The following DCK variants were observed in gnomAD, a reference collection of about 807,000 sequenced individuals.
DCK encodes the protein deoxycytidine kinase.
In DCK, 23 loss-of-function variants were observed where a neutral mutation model predicts 38.3. The ratio of observed to expected loss-of-function variants is 0.60; its 90% CI spans 0.43 to 0.85. The LOEUF (loss-of-function observed/expected upper bound fraction) is 0.85, where lower values mean the gene tolerates loss of function less well. Ranked by LOEUF, DCK falls within the 40% of genes least tolerant of loss-of-function variation. The pLI is 0.00. For missense variants in DCK, 259 were observed against 304.4 expected, an observed-to-expected ratio of 0.85 and a Z score of 1.11; for synonymous variants, 108 against 100.6, an observed-to-expected ratio of 1.07 and a Z score of -0.44.
At chr4:70,996,240 C>T (rs952840249) in intron 1 of DCK, among the ~76,000 whole-genome samples, 3 of 150,240 alleles carry the variant, frequency 2.0e-5, no homozygotes, top group Admixed American at 2.0e-4. Flanking sequence ...TTAGCATGCA[C>T]GTTTAGTCCT....
chr4:71,018,375 G>A (rs1030945702), intron 2 of DCK, among the ~76,000 whole-genome samples: 12 of 151,924 alleles, frequency 7.9e-5, no homozygotes, highest in Admixed American at 2.0e-4. Context: ...TGATCCACCC[G>A]CCTTGGCCTC....
intron 5 of DCK, among the ~76,000 whole-genome samples, chr4:71,026,150 A>C (rs1740542851): frequency 6.6e-6 from 1 of 152,044 alleles, no homozygotes; most frequent in Non-Finnish European, 1.5e-5. Flanking sequence ...GGTGGTATTG[A>C]TAGCGTAATA....
intron 2 of DCK, among the ~76,000 whole-genome samples, chr4:71,010,382 G>A (rs188118289): frequency 1.6e-4 from 24 of 151,034 alleles, no homozygotes; most frequent in Admixed American, 4.6e-4. Flanking sequence ...TAATAATAAT[G>A]TACTTTATGT....
chr4:71,007,205 A>G (rs1739966819), intron 2 of DCK, among the ~76,000 whole-genome samples: 1 of 152,214 alleles, frequency 6.6e-6, no homozygotes, highest in Non-Finnish European at 1.5e-5. Flanking sequence ...TTGATGTTTT[A>G]TATCTGATTT....
chr4:71,022,243 A>G (rs1412428139), intron 2 of DCK, 124 bp from the exon 3 acceptor site: 3 of 528,640 alleles, frequency 5.7e-6, no homozygotes, highest in African/African-American at 3.9e-5. Context: ...GAACTTAATC[A>G]TCTTGGTTTT....
intron 2 of DCK, among the ~76,000 whole-genome samples, chr4:71,000,522 A>G (rs923349503): frequency 3.3e-5 from 5 of 152,158 alleles, no homozygotes; most frequent in African/African-American, 1.2e-4. Context: ...TTGGTTCCAT[A>G]TGAAATTTAA....
Position 71,022,396 on chromosome 4 carries a change from G to C in DCK, c.237G>C (p.Gly79=). The change falls in exon 3 of 7, where the codon GGG becomes GGC. Residue 79 remains glycine (G), a synonymous_variant. Transcript: ENST00000286648. ...TTACAATGTCTCAGAAAAATGGTGG[G>C]AATGTTCTTCAGATGATGTATGAGA... ...EELTMSQKNG[G]NVLQMMYEKP... The C allele has an allele frequency of 6.5e-7, 1 of 1,535,846 alleles. No homozygotes were observed. Among genetic ancestry groups the C allele is most frequent in the South Asian group, 1.3e-5 (1 of 77,710 alleles).
intron 2 of DCK, among the ~76,000 whole-genome samples, 190 bp downstream of exon 2, chr4:70,998,372 G>A (rs899986027): frequency 6.6e-6 from 1 of 151,338 alleles, no homozygotes; most frequent in Non-Finnish European, 1.5e-5. Flanking sequence ...AGATTGATAT[G>A]GATTCAACCA....
chr4:71,007,534 G>A (rs1354797797), intron 2 of DCK, among the ~76,000 whole-genome samples: 1 of 152,118 alleles, frequency 6.6e-6, no homozygotes. Context: ...AATTGTTTGA[G>A]CATACATGAA....
At chr4:71,003,269 A>G (rs1005013802) in intron 2 of DCK, among the ~76,000 whole-genome samples, 3 of 152,204 alleles carry the variant, frequency 2.0e-5, no homozygotes, top group African/African-American at 7.2e-5. Flanking sequence ...TTCTTTAAGA[A>G]TGTTGAATGT....
At chr4:71,011,141 C>T (rs1045485558) in intron 2 of DCK, among the ~76,000 whole-genome samples, 3 of 151,484 alleles carry the variant, frequency 2.0e-5, no homozygotes, top group Non-Finnish European at 4.4e-5. Flanking sequence ...TGGGGTTTCA[C>T]CATGTTGGCC....
chr4:71,028,700 G>GGGGTCCTGTAAA, intron 6 of DCK: 1 of 436,836 alleles, frequency 2.3e-6, no homozygotes, highest in Non-Finnish European at 4.6e-6. Context: ...GGTTCAACCA[G>GGGGTCCTGTAAA]TTCTGCCTCA....
At position 71,029,451 on chromosome 4, in the gene DCK, A is replaced by C; in HGVS notation, c.*73A>C. On this transcript the variant is annotated 3_prime_UTR_variant, in exon 7 of 7. Coordinates refer to ENST00000286648, the MANE Select transcript of DCK (RefSeq NM_000788.3). ...TTGTGTATCTTCGTAACTTCATATTAATATAAGTTTCTTTAGAAAACCCAA... is the reference window on the plus strand; with the variant it reads ...TTGTGTATCTTCGTAACTTCATATTCATATAAGTTTCTTTAGAAAACCCAA... 1 of 1,109,582 alleles carries C rather than the reference A, an allele frequency of 9.0e-7. No homozygotes were observed. The highest frequency in any genetic ancestry group is 1.3e-6 in the Non-Finnish European group (1 of 745,122). 68.7% of individuals were successfully genotyped at this position (1,109,582 alleles called of 1,614,324 possible).
chr4:71,014,156 T>G (rs1740186900), intron 2 of DCK, among the ~76,000 whole-genome samples: 1 of 151,850 alleles, frequency 6.6e-6, no homozygotes, highest in Non-Finnish European at 1.5e-5. Context: ...CCAACAAAGA[T>G]CAAAAGAGAC....
At chr4:70,994,944 A>T (rs552297118) in intron 1 of DCK, among the ~76,000 whole-genome samples, 1 of 152,344 alleles carries the variant, frequency 6.6e-6, no homozygotes, top group East Asian at 1.9e-4. Context: ...CTGTTTTGAT[A>T]GATTTAAAAA....
chr4:71,010,493 G>C (rs1467118884), intron 2 of DCK, among the ~76,000 whole-genome samples: 1 of 150,374 alleles, frequency 6.7e-6, no homozygotes, highest in Admixed American at 6.6e-5. Context: ...TCTCTGTCTT[G>C]TTTTTTCATT....
rs1740559067 is a variant in DCK at position 71,026,854 on chromosome 4, TA to T, written c.756+100del. On this transcript the variant is annotated intron_variant, in intron 6 of 6. Transcript: ENST00000286648. ...TCTAACAGAAAAGCTTCCATAAAGT[TA>T]CATTAAGAAACAGTTAAGAGCTTTA... 6.4e-6 allele frequency: 4 copies of T among 629,258 alleles called. No individual in the cohort carries two copies. The South Asian group carries it at 8.2e-5, about 13-fold the overall frequency. 39.0% of individuals were successfully genotyped at this position (629,258 alleles called of 1,614,324 possible).
chr4:70,999,786 T>C (rs1739750958), intron 2 of DCK, among the ~76,000 whole-genome samples: 1 of 152,254 alleles, frequency 6.6e-6, no homozygotes, highest in African/African-American at 2.4e-5. Context: ...TGATGAGCTT[T>C]TTTTCATGTT....
chr4:71,009,219 G>A (rs1207064843), intron 2 of DCK, among the ~76,000 whole-genome samples: 1 of 152,174 alleles, frequency 6.6e-6, no homozygotes, highest in African/African-American at 2.4e-5. Context: ...ATCCCTTGGA[G>A]GTTCAAATAT....
Sources: allele counts gnomAD v4.1 joint callset (sites outside exome capture counted in the v4.1 genomes callset), GRCh38; gene constraint gnomAD v4.1.1; transcripts MANE v1.5; gene names NCBI Gene and HGNC (gene_info 2026-07-23, HGNC 2026-07-21).